The following ADSS2 variants were observed in gnomAD, a reference collection of about 807,000 sequenced individuals.
ADSS2 encodes the protein adenylosuccinate synthase 2, also known as adenylosuccinate synthetase isozyme 2.
Under a neutral mutation model 60.0 loss-of-function variants are expected in ADSS2, and 30 were observed. The ratio of observed to expected loss-of-function variants is 0.50; its 90% confidence interval spans 0.37 to 0.68. The LOEUF (loss-of-function observed/expected upper bound fraction) is 0.68. Ranked by LOEUF, ADSS2 falls within the 30% of genes least tolerant of loss-of-function variation. The pLI, the probability that ADSS2 is intolerant of heterozygous loss-of-function variation, is 0.00. For synonymous variants in ADSS2, 187 were observed against 193.1 expected (o/e 0.97, Z 0.26); for missense variants, 373 against 554.8 (o/e 0.67, Z 3.29).
intron 1 of ADSS2, among the ~76,000 whole-genome samples, chr1:244,444,641 A>G (rs1162120951): frequency 1.3e-5 from 2 of 151,988 alleles, no homozygotes; most frequent in African/African-American, 4.8e-5. Flanking sequence ...TAGAAACAAA[A>G]AGCAGGACTA....
chr1:244,419,862 T>G (rs374347026), intron 8 of ADSS2, among the ~76,000 whole-genome samples: 1 of 152,170 alleles, frequency 6.6e-6, no homozygotes, highest in African/African-American at 2.4e-5. Context: ...TCCATAGAAT[T>G]TATCTTATCT....
At chr1:244,441,497 T>C (rs1002916607) in intron 1 of ADSS2, among the ~76,000 whole-genome samples, 2 of 152,170 alleles carry the variant, frequency 1.3e-5, no homozygotes, top group African/African-American at 4.8e-5. Context: ...AATAAGGTAT[T>C]ATTATCAAAG....
chr1:244,437,566 T>C, intron 2 of ADSS2, 100 bp downstream of exon 2: 2 of 827,672 alleles, frequency 2.4e-6, no homozygotes, highest in East Asian at 2.4e-5. Context: ...CAATGAACCA[T>C]CTGGTCAGTG....
chr1:244,433,442 C>T (rs1438020489), intron 3 of ADSS2, among the ~76,000 whole-genome samples: 1 of 152,156 alleles, frequency 6.6e-6, no homozygotes, highest in South Asian at 2.1e-4. Flanking sequence ...TAAAATACTT[C>T]TAGGAATCCA....
intron 10 of ADSS2, among the ~76,000 whole-genome samples, chr1:244,416,880 G>A (rs555504773): frequency 1.3e-5 from 2 of 152,174 alleles, no homozygotes; most frequent in African/African-American, 4.8e-5. Flanking sequence ...AAAATTTCCC[G>A]ACAAACTGAC....
At position 244,451,843 on chromosome 1, in the gene ADSS2, G is replaced by A. The variant is rs1456620963; in HGVS notation, c.-26C>T. Reference sequence around the variant, plus strand: ...GGCTCCAGTGACGCGAGGAGAGCCCGAAGGAGAGGCGGCCGGCGAGGAGTG... The same window carrying A: ...GGCTCCAGTGACGCGAGGAGAGCCCAAAGGAGAGGCGGCCGGCGAGGAGTG... On this transcript the variant is annotated 5_prime_UTR_variant, in exon 1 of 13. Transcript: ENST00000366535. This position sits in a 1 kb window ranked among gnomAD's most constrained non-coding sequence, Gnocchi z 6.6. The A allele has an allele frequency of 6.5e-7, 1 of 1,545,328 alleles. No homozygotes were observed. The highest frequency in any genetic ancestry group is 1.2e-5 in the South Asian group (1 of 84,284).
intron 12 of ADSS2, among the ~76,000 whole-genome samples, chr1:244,410,959 C>T (rs1273346534): frequency 6.6e-6 from 1 of 152,190 alleles, no homozygotes; most frequent in Non-Finnish European, 1.5e-5. Flanking sequence ...GGCATGCTGG[C>T]TCATGCCTGT....
intron 10 of ADSS2, among the ~76,000 whole-genome samples, chr1:244,416,677 A>C (rs1440602345): frequency 1.3e-5 from 2 of 152,216 alleles, no homozygotes; most frequent in Non-Finnish European, 2.9e-5. Flanking sequence ...GGCTGCCTGG[A>C]GTTAAGGTTG....
rs12128162 is a variant in ADSS2, at chr1:244,414,418, T to A, written c.1168+1563A>T. Among the ~76,000 whole-genome samples the A allele has an allele frequency of 9.9e-3, 1,505 of 152,278 alleles. 13 individuals are homozygous for A. The highest frequency in any genetic ancestry group is 0.018 in the Non-Finnish European group (1,195 of 68,014). ...AAATGGAAATTCTAGAAATAAAAATTCACCAGTGGGTTTAAAAGCATATTG... is the reference window on the plus strand; with the variant it reads ...AAATGGAAATTCTAGAAATAAAAATACACCAGTGGGTTTAAAAGCATATTG... On this transcript the variant is annotated intron_variant, in intron 11 of 12. Transcript: ENST00000366535.
intron 12 of ADSS2, among the ~76,000 whole-genome samples, chr1:244,410,188 A>C (rs991743204): frequency 2.0e-5 from 3 of 152,228 alleles, no homozygotes; most frequent in Admixed American, 6.5e-5. Context: ...GAAAATGCTG[A>C]CCAAGAGCAG....
At chr1:244,438,328 G>C (rs1665152685) in intron 1 of ADSS2, among the ~76,000 whole-genome samples, 1 of 152,148 alleles carries the variant, frequency 6.6e-6, no homozygotes, top group Non-Finnish European at 1.5e-5. Flanking sequence ...CAGTCTTGTA[G>C]GTTTGGTTAG....
chr1:244,414,571 T>G (rs987168485), intron 11 of ADSS2, among the ~76,000 whole-genome samples: 1 of 152,204 alleles, frequency 6.6e-6, no homozygotes, highest in African/African-American at 2.4e-5. Flanking sequence ...TGCTTCTACT[T>G]TCCTGCTGTG....
Position 244,420,122 on chromosome 1 carries a change from C to T in ADSS2, c.790+48G>A, listed in dbSNP as rs369938263. The T allele has an allele frequency of 1.7e-5, 27 of 1,569,280 alleles. No homozygotes were observed. The African/African-American group carries it at 3.0e-4, about 17-fold the overall frequency. On this transcript the variant is annotated intron_variant, in intron 8 of 12. Transcript: ENST00000366535. ...ACATTAATTATTTATATTTTAACTA[C>T]TTAGGGCTCAGTTAAGCTCCCTTAA...
chr1:244,447,801 A>G (rs947016361), intron 1 of ADSS2, among the ~76,000 whole-genome samples: 4 of 152,236 alleles, frequency 2.6e-5, no homozygotes, highest in African/African-American at 9.6e-5. Flanking sequence ...ATGTTAAAAC[A>G]ATTACAAGAA....
At chr1:244,417,179 GAGAGGATAAAAC>G (rs1664553173) in intron 10 of ADSS2, among the ~76,000 whole-genome samples, 1 of 152,174 alleles carries the variant, frequency 6.6e-6, no homozygotes, top group South Asian at 2.1e-4. Flanking sequence ...ATAGATTTCA[GAGAGGATAAAAC>G]AGAGGCAGAG....
rs527668424 is a variant in ADSS2, at chr1:244,445,076, C to T, written c.183+6559G>A. ...TGAATTTGAGTACTGAGAAGGAAAG[C>T]AATAGCAGTCTGAGATGCCTGTCAC... On this transcript the variant is annotated intron_variant, in intron 1 of 12. Transcript: ENST00000366535. Among the ~76,000 whole-genome samples, 3 of 152,278 alleles carry T rather than the reference C, an allele frequency of 2.0e-5. No individual in the cohort carries two copies. In the East Asian group the frequency reaches 5.8e-4, roughly 29 times the overall value.
chr1:244,438,418 T>C lies in ADSS2; in HGVS notation c.184-650A>G, dbSNP rs114021028. 7.1e-3 allele frequency among the ~76,000 whole-genome samples: 1,076 copies of C among 152,318 alleles called. 13 individuals carry two copies. Among genetic ancestry groups the C allele is most frequent in the African/African-American group, 0.025 (1,034 of 41,572 alleles). On this transcript the variant is annotated intron_variant, in intron 1 of 12. Transcript: ENST00000366535. ...GAACTGCTAACACTGAGAATCATAC[T>C]ATAAACCCATGATTAAATTTCCATT...
intron 7 of ADSS2, 142 bp downstream of exon 7, chr1:244,422,693 A>G (rs1362783021): frequency 9.7e-6 from 6 of 616,078 alleles, no homozygotes; most frequent in African/African-American, 7.4e-5. Flanking sequence ...CATATCATGT[A>G]AAGTCACTCA....
At chr1:244,419,883 G>C (rs1664636952) in intron 8 of ADSS2, among the ~76,000 whole-genome samples, 1 of 152,032 alleles carries the variant, frequency 6.6e-6, no homozygotes, top group Non-Finnish European at 1.5e-5. Context: ...TATAGTTCCA[G>C]GGTTTGAACC....
Sources: gnomAD v4.1 joint callset for allele counts (sites outside exome capture counted in the v4.1 genomes callset) on GRCh38, gnomAD v4.1.1 for gene constraint, Gnocchi (gnomAD v3.1) non-coding constraint, MANE v1.5 for transcripts, NCBI Gene and HGNC (gene_info 2026-07-23, HGNC 2026-07-21) for gene names.